RTL4: variants seen among roughly 807,000 people sequenced by gnomAD.
RTL4 encodes retrotransposon Gag-like protein 4.
Under a neutral mutation model 5.3 loss-of-function variants are expected in RTL4, and 4 were observed. That is an observed-to-expected ratio of 0.75 (90% CI 0.37 to 1.72). RTL4 has a LOEUF of 1.72. Among genes scored for constraint, RTL4 ranks in the 40% most tolerant of loss-of-function variants. RTL4 has a pLI of 0.04. For missense variants in RTL4, 260 were observed against 227.1 expected, an observed-to-expected ratio of 1.14 and a Z score of -0.93; for synonymous variants, 98 against 87.3, an observed-to-expected ratio of 1.12 and a Z score of -0.68.
chrX:112,328,102 C>A, the RTL4 span, among the ~76,000 whole-genome samples: 1,147 of 107,986 alleles, frequency 0.011, 14 homozygotes, highest in African/African-American at 0.037. Flanking sequence ...CATCAACTAA[C>A]GAGCAAAATA....
the RTL4 span, among the ~76,000 whole-genome samples, chrX:112,225,280 T>C: frequency 8.9e-6 from 1 of 111,958 alleles, no homozygotes; most frequent in East Asian, 2.8e-4. Flanking sequence ...TCTAGTAGTT[T>C]TCTCTGGCAT....
the RTL4 span, among the ~76,000 whole-genome samples, chrX:112,183,926 A>G: frequency 8.9e-6 from 1 of 111,742 alleles, no homozygotes; most frequent in East Asian, 2.8e-4. Flanking sequence ...TATTGCAGCA[A>G]TAAGCAGACC....
chrX:112,117,723 G>C, the RTL4 span, among the ~76,000 whole-genome samples: 1 of 111,756 alleles, frequency 8.9e-6, no homozygotes, highest in Non-Finnish European at 1.9e-5. Flanking sequence ...TGTACAATTA[G>C]TGGGTAATAA....
the RTL4 span, among the ~76,000 whole-genome samples, chrX:112,130,081 T>C: frequency 9.0e-6 from 1 of 111,053 alleles, no homozygotes; most frequent in Admixed American, 9.6e-5. Flanking sequence ...TATCTACAGA[T>C]TTACCACAAT....
At chrX:112,434,068 T>C in the RTL4 span, among the ~76,000 whole-genome samples, 42 of 102,108 alleles carry the variant, frequency 4.1e-4, 1 homozygote, top group East Asian at 6.4e-3. Context: ...CAGCCTTTCA[T>C]CCCAGGGATG....
chrX:112,157,297 G>A, the RTL4 span, among the ~76,000 whole-genome samples: 3 of 110,740 alleles, frequency 2.7e-5, no homozygotes, highest in Non-Finnish European at 5.7e-5. Context: ...ATTTCTTAGG[G>A]CCTCAATTTT....
chrX:112,123,738 C>T, the RTL4 span, among the ~76,000 whole-genome samples: 9 of 111,653 alleles, frequency 8.1e-5, no homozygotes, highest in South Asian at 3.8e-4. Context: ...AGCTTGAAGT[C>T]GGGTAGCATG....
the RTL4 span, among the ~76,000 whole-genome samples, chrX:112,394,495 A>G: frequency 9.0e-6 from 1 of 111,702 alleles, no homozygotes; most frequent in Non-Finnish European, 1.9e-5. Flanking sequence ...TTGATTATTT[A>G]AAAGATGAGA....
the RTL4 span, among the ~76,000 whole-genome samples, chrX:112,421,733 T>G: frequency 9.0e-6 from 1 of 111,274 alleles, no homozygotes; most frequent in Non-Finnish European, 1.9e-5. Context: ...GTACACAGAG[T>G]TGATGATGTT....
At chrX:112,367,397 G>T in the RTL4 span, among the ~76,000 whole-genome samples, 1 of 111,401 alleles carries the variant, frequency 9.0e-6, no homozygotes, top group Non-Finnish European at 1.9e-5. Flanking sequence ...TGTACTAGTA[G>T]TTCCTAAAGG....
the RTL4 span, among the ~76,000 whole-genome samples, chrX:112,252,026 G>A: frequency 1.8e-5 from 2 of 111,676 alleles, no homozygotes; most frequent in Non-Finnish European, 1.9e-5. Flanking sequence ...TGATCCCTCT[G>A]CCATCCAAGC....
the RTL4 span, among the ~76,000 whole-genome samples, chrX:112,429,629 A>G: frequency 1.8e-5 from 2 of 111,229 alleles, no homozygotes; most frequent in African/African-American, 6.5e-5. Flanking sequence ...ACCTTTACCT[A>G]TTACTTTTCT....
At chrX:112,390,143 A>G in the RTL4 span, among the ~76,000 whole-genome samples, 2 of 43,986 alleles carry the variant, frequency 4.5e-5, no homozygotes, top group Admixed American at 5.9e-4. Context: ...ATATATATAT[A>G]TATATATATA....
chrX:112,454,242 CA>C (rs759060845), upstream of RTL4, among the ~76,000 whole-genome samples: 1 of 111,637 alleles, frequency 9.0e-6, no homozygotes, highest in Non-Finnish European at 1.9e-5. Flanking sequence ...AAAACAATCA[CA>C]AAAAATCTCA....
chrX:112,363,539 C>T, the RTL4 span, among the ~76,000 whole-genome samples: 2 of 110,113 alleles, frequency 1.8e-5, no homozygotes, highest in African/African-American at 3.3e-5. Flanking sequence ...TGAGAAGGAC[C>T]AGTAGTAAGC....
chrX:112,092,552 A>T, the RTL4 span, among the ~76,000 whole-genome samples: 1 of 111,764 alleles, frequency 8.9e-6, no homozygotes, highest in Non-Finnish European at 1.9e-5. Flanking sequence ...AATTGATTGC[A>T]TCTCATCAGT....
the RTL4 span, among the ~76,000 whole-genome samples, chrX:112,275,804 A>T: frequency 9.0e-6 from 1 of 111,152 alleles, no homozygotes; most frequent in Non-Finnish European, 1.9e-5. Flanking sequence ...ATGTGGTGGT[A>T]TGAACTTGTG....
At chrX:112,219,101 G>A in the RTL4 span, among the ~76,000 whole-genome samples, 1 of 111,484 alleles carries the variant, frequency 9.0e-6, no homozygotes, top group South Asian at 3.8e-4. Context: ...TTGTGCTGAG[G>A]AAGGTTCTAG....
the RTL4 span, among the ~76,000 whole-genome samples, chrX:112,426,478 T>G: frequency 5.4e-5 from 6 of 111,665 alleles, no homozygotes; most frequent in African/African-American, 1.9e-4. Flanking sequence ...AACTGACATC[T>G]CGAACATATT....
Sources: gnomAD v4.1 joint callset for allele counts (sites outside exome capture counted in the v4.1 genomes callset) on GRCh38, gnomAD v4.1.1 for gene constraint, MANE v1.5 for transcripts, NCBI Gene and HGNC (gene_info 2026-07-23, HGNC 2026-07-21) for gene names.